The following AIM2 variants were observed in gnomAD, a reference collection of about 807,000 sequenced individuals.
AIM2 encodes the protein interferon-inducible protein AIM2.
A neutral mutation model predicts 27.7 loss-of-function variants in AIM2; 30 were observed. That is an observed-to-expected ratio of 1.08 (90% confidence interval 0.81 to 1.47). The LOEUF is 1.47. Among genes scored for constraint, AIM2 ranks in the 40% most tolerant of loss-of-function variants. AIM2 has a pLI of 0.00. For missense variants in AIM2, 358 were observed against 411.3 expected, an observed-to-expected ratio of 0.87 and a Z score of 1.12; for synonymous variants, 141 against 145.3, an observed-to-expected ratio of 0.97 and a Z score of 0.21.
chr1:159,136,594 A>G (rs1008538875), intron 1 of AIM2, among the ~76,000 whole-genome samples: 13 of 152,198 alleles, frequency 8.5e-5, no homozygotes, highest in African/African-American at 2.7e-4. Flanking sequence ...AAGAATCATC[A>G]CTGAACAATA....
At position 159,068,682 on chromosome 1, in the gene AIM2, C is replaced by T. The variant is rs879251303; in HGVS notation, c.282G>A (p.Ser94=). 7 of 1,613,578 alleles carry T rather than the reference C, an allele frequency of 4.3e-6. No homozygotes were observed. In the African/African-American group the frequency reaches 6.7e-5, roughly 15 times the overall value. Residue 94 remains serine, a synonymous_variant, in exon 3 of 6, where the codon TCG becomes TCA. Transcript: ENST00000368130. The part of the protein sequence containing the change: ...EKEKVDKQYK[S]VTKPKPLSQA... ...GACTTAGTGGCTTTGGTTTTGTTACCGATTTGTATTGCTTATCAACTGATT... is the reference window on the plus strand; with the variant it reads ...GACTTAGTGGCTTTGGTTTTGTTACTGATTTGTATTGCTTATCAACTGATT...
chr1:159,134,196 A>G lies in AIM2; in HGVS notation c.-16+6235T>C, dbSNP rs1326837482. ...ATACTTCTAAAACCCTTTTTCTTCT[A>G]TATCTACCATTACCACCACCAGCAC... On this transcript the variant is annotated intron_variant, in intron 1 of 2. Transcript: ENST00000368129. Among the ~76,000 whole-genome samples the G allele has an allele frequency of 2.6e-5, 4 of 152,014 alleles. No homozygotes were observed. In the South Asian group the frequency reaches 6.2e-4, roughly 24 times the overall value.
rs115392736 is a variant in AIM2 at position 159,125,054 on chromosome 1, G to T, written c.-16+15377C>A. 9.3e-3 allele frequency among the ~76,000 whole-genome samples: 1,415 copies of T among 152,312 alleles called. 16 individuals carry two copies. The highest frequency in any genetic ancestry group is 0.018 in the African/African-American group (728 of 41,562). On this transcript the variant is annotated intron_variant, in intron 1 of 2. Coordinates refer to the AIM2 transcript ENST00000368129. ...GGAGACAGCGATAGCAGTGTCCCCA[G>T]GGAACAGGCTATTGGCATGCTGGTT...
At chr1:159,145,577 G>A (rs887542896) in intron 1 of AIM2, among the ~76,000 whole-genome samples, 8 of 152,134 alleles carry the variant, frequency 5.3e-5, no homozygotes, top group Non-Finnish European at 1.5e-5. Flanking sequence ...ACCATTCCAA[G>A]TCTAGCCCAG....
intron 1 of AIM2, among the ~76,000 whole-genome samples, chr1:159,086,980 T>C (rs1385422283): frequency 6.6e-6 from 1 of 152,220 alleles, no homozygotes; most frequent in Non-Finnish European, 1.5e-5. Context: ...CTGTATAAAA[T>C]AATTGCAAAC....
intron 1 of AIM2, among the ~76,000 whole-genome samples, chr1:159,074,669 CT>C (rs1311314428): frequency 6.6e-6 from 1 of 151,904 alleles, no homozygotes; most frequent in Non-Finnish European, 1.5e-5. Flanking sequence ...AAATGCATTC[CT>C]TTATTTTAGT....
chr1:159,088,464 G>A (rs1301575259), intron 1 of AIM2, among the ~76,000 whole-genome samples: 2 of 152,090 alleles, frequency 1.3e-5, no homozygotes, highest in Non-Finnish European at 2.9e-5. Context: ...ATGCCTCCAT[G>A]GAGGCAAATG....
intron 1 of AIM2, among the ~76,000 whole-genome samples, chr1:159,129,661 T>A (rs1444516886): frequency 6.6e-6 from 1 of 152,208 alleles, no homozygotes; most frequent in African/African-American, 2.4e-5. Flanking sequence ...TTAAATGGAA[T>A]CATGCCCTCA....
At chr1:159,104,983 G>C (rs1375292339) in intron 1 of AIM2, among the ~76,000 whole-genome samples, 1 of 152,204 alleles carries the variant, frequency 6.6e-6, no homozygotes, top group African/African-American at 2.4e-5. Context: ...CCTGTGTCCA[G>C]TGGCACCTTT....
chr1:159,073,469 G>C lies in AIM2; in HGVS notation c.31C>G (p.Leu11Val), dbSNP rs765925699. 1 of 1,614,086 alleles carries C rather than the reference G, an allele frequency of 6.2e-7. No homozygotes were observed. The change falls in exon 2 of 6, where the codon CTA becomes GTA. Residue 11 changes from leucine (L) to valine (V), a missense_variant. By Grantham distance (32) the Leu-to-Val change is conservative. Coordinates refer to ENST00000368130, the MANE Select transcript of AIM2 (RefSeq NM_004833.3). ...TCAGTGATGTTATCCAGGCCTGTTAGCAAGAGTATCTCCTTGTATTTACTC... is the reference window on the plus strand; with the variant it reads ...TCAGTGATGTTATCCAGGCCTGTTACCAAGAGTATCTCCTTGTATTTACTC... MESKYKEILL[L>V]TGLDNITDEE...
At chr1:159,141,776 G>T (rs191916466), upstream of AIM2, among the ~76,000 whole-genome samples, 29 of 148,882 alleles carry the variant, frequency 1.9e-4, no homozygotes, top group East Asian at 2.5e-3. Flanking sequence ...TCTGAGCGGT[G>T]GGGGGGGACA....
chr1:159,077,102 G>A (rs1045885917), upstream of AIM2, among the ~76,000 whole-genome samples: 4 of 152,204 alleles, frequency 2.6e-5, no homozygotes, highest in Non-Finnish European at 4.4e-5. Context: ...GGCAGTGCAG[G>A]TTCTTGTCTT....
chr1:159,098,559 T>C (rs1005499308), intron 1 of AIM2, among the ~76,000 whole-genome samples: 2 of 152,198 alleles, frequency 1.3e-5, no homozygotes, highest in African/African-American at 4.8e-5. Context: ...CTATTGTGTA[T>C]TGCTGACCTA....
rs1647889227 is a variant in AIM2, at chr1:159,131,669, AC to A, written c.-16+8761del. The stretch of plus-strand genomic sequence containing the variant: ...AAGACATATTCATTTCAGTTGGAGA[AC>A]CTAGAGGAGAATAACTTGGGATAGA... On this transcript the variant is annotated intron_variant, in intron 1 of 2. Coordinates refer to the AIM2 transcript ENST00000368129. 2.0e-5 allele frequency among the ~76,000 whole-genome samples: 3 copies of A among 152,286 alleles called. No individual in the cohort carries two copies. The South Asian group carries it at 6.2e-4, about 32-fold the overall frequency.
chr1:159,077,171 G>A (rs1321141487), upstream of AIM2, among the ~76,000 whole-genome samples: 1 of 152,206 alleles, frequency 6.6e-6, no homozygotes, highest in African/African-American at 2.4e-5. Flanking sequence ...TTTTATTGTG[G>A]AGCAAAACCA....
At chr1:159,122,997 C>T (rs906828760) in intron 1 of AIM2, among the ~76,000 whole-genome samples, 1 of 152,110 alleles carries the variant, frequency 6.6e-6, no homozygotes, top group African/African-American at 2.4e-5. Context: ...TCCATGAAAA[C>T]GATTTAGTCA....
intron 1 of AIM2, among the ~76,000 whole-genome samples, chr1:159,097,495 C>T (rs778442643): frequency 7.9e-5 from 12 of 152,028 alleles, no homozygotes; most frequent in Non-Finnish European, 1.3e-4. Flanking sequence ...TAATGAAGAG[C>T]AGAATTATGC....
chr1:159,128,782 A>T (rs997959957), intron 1 of AIM2, among the ~76,000 whole-genome samples: 1 of 152,092 alleles, frequency 6.6e-6, no homozygotes, highest in East Asian at 1.9e-4. Flanking sequence ...TGCTCCACAA[A>T]CTACATTTCC....
chr1:159,133,261 A>T (rs995544719), intron 1 of AIM2, among the ~76,000 whole-genome samples: 3 of 152,200 alleles, frequency 2.0e-5, no homozygotes, highest in African/African-American at 7.2e-5. Context: ...CACTAAAAAA[A>T]CAATTAAGAT....
Sources: gnomAD v4.1 joint callset for allele counts (sites outside exome capture counted in the v4.1 genomes callset) on GRCh38, gnomAD v4.1.1 for gene constraint, MANE v1.5 for transcripts, NCBI Gene and HGNC (gene_info 2026-07-23, HGNC 2026-07-21) for gene names.